The following SLC25A42 variants were observed in gnomAD, a reference collection of about 807,000 sequenced individuals.
SLC25A42 encodes mitochondrial coenzyme A transporter SLC25A42.
A neutral mutation model predicts 34.7 loss-of-function variants in SLC25A42; 19 were observed. That is an observed-to-expected ratio of 0.55 (90% CI 0.38 to 0.80). The LOEUF (loss-of-function observed/expected upper bound fraction) is 0.80, where lower values mean the gene tolerates loss of function less well. Among genes scored for constraint, SLC25A42 ranks in the 30% least tolerant of loss-of-function variants. The pLI is 0.00. For synonymous variants in SLC25A42, 205 were observed against 191.2 expected (o/e 1.07, Z -0.59); for missense variants, 364 against 441.3 (o/e 0.82, Z 1.57).
chr19:19,105,780 C>T (rs571742122), intron 5 of SLC25A42, 53 bp downstream of exon 5: 2 of 1,442,458 alleles, frequency 1.4e-6, no homozygotes, highest in Non-Finnish European at 9.3e-7. Context: ...GCCCGCCCCT[C>T]TCTCTTTCTT....
At chr19:19,069,226 G>T (rs1599662432) in intron 1 of SLC25A42, among the ~76,000 whole-genome samples, 1 of 152,186 alleles carries the variant, frequency 6.6e-6, no homozygotes, top group East Asian at 1.9e-4. Context: ...TGGGCAGAAT[G>T]CTTGGATTCC....
At chr19:19,104,973 A>T (rs2059818346) in intron 4 of SLC25A42, 35 bp downstream of exon 4, 2 of 1,613,582 alleles carry the variant, frequency 1.2e-6, no homozygotes, top group South Asian at 1.1e-5. Flanking sequence ...GCCTGGGGAC[A>T]GTCACCACTA....
At chr19:19,104,683 G>A (rs1181003378) in intron 3 of SLC25A42, among the ~76,000 whole-genome samples, 1 of 152,198 alleles carries the variant, frequency 6.6e-6, no homozygotes, top group East Asian at 1.9e-4. Flanking sequence ...GTGAATGGTA[G>A]TCTAGTCCAG....
At position 19,105,458 on chromosome 19, in the gene SLC25A42, AC is replaced by A. The variant is rs1190331789; in HGVS notation, c.214-99del. 28 of 1,400,136 alleles carry A rather than the reference AC, an allele frequency of 2.0e-5. No homozygotes were observed. In the East Asian group the frequency reaches 6.4e-4, roughly 32 times the overall value. 86.7% of individuals were successfully genotyped at this position (1,400,136 alleles called of 1,614,324 possible). A position where few individuals can be genotyped will look rare whatever the true frequency, so the allele number is the denominator to read the frequency against. ...ATGTGCTGTGCATGGAGATGGGGTC[AC>A]CCCGGCCCCGCCTCCGCACTTTGGG... On this transcript the variant is annotated intron_variant, in intron 4 of 7. Coordinates refer to ENST00000318596, the MANE Select transcript of SLC25A42 (RefSeq NM_178526.5).
intron 1 of SLC25A42, among the ~76,000 whole-genome samples, chr19:19,075,543 C>G (rs940419288): frequency 6.6e-6 from 1 of 152,136 alleles, no homozygotes; most frequent in South Asian, 2.1e-4. Flanking sequence ...CTAGAGTGAA[C>G]GTGGCAAGGC....
At chr19:19,078,595 G>T (rs1347599397) in intron 1 of SLC25A42, among the ~76,000 whole-genome samples, 1 of 152,204 alleles carries the variant, frequency 6.6e-6, no homozygotes, top group Non-Finnish European at 1.5e-5. Context: ...CAGCAAGCAT[G>T]CAGCAAGCAC....
In SLC25A42 at chr19:19,104,911, A is replaced by AG; in HGVS notation, c.188-1dup. The AG allele has an allele frequency of 6.2e-7, 1 of 1,614,008 alleles. No homozygotes were observed. Among genetic ancestry groups the AG allele is most frequent in the Admixed American group, 1.7e-5 (1 of 60,016 alleles). ...TGGCTTTTGTGCTTTTGTTTTTTCC[A>AG]GTGTCTTCAAAAAGATTTTCTGCCA... On this transcript the variant is annotated splice_acceptor_variant, in intron 3 of 7. Coordinates refer to ENST00000318596, the MANE Select transcript of SLC25A42 (RefSeq NM_178526.5). LOFTEE classifies it high-confidence loss of function.
At chr19:19,083,406 G>T (rs186280543) in intron 1 of SLC25A42, among the ~76,000 whole-genome samples, 137 of 152,348 alleles carry the variant, frequency 9.0e-4, no homozygotes, top group African/African-American at 3.2e-3. Flanking sequence ...TTAGGATGCA[G>T]ACATCTTTGA....
intron 2 of SLC25A42, among the ~76,000 whole-genome samples, chr19:19,099,137 C>A (rs1032026040): frequency 6.6e-6 from 1 of 152,302 alleles, no homozygotes; most frequent in South Asian, 2.1e-4. Flanking sequence ...GGACCACCAA[C>A]AAGCGCCCGC....
intron 1 of SLC25A42, among the ~76,000 whole-genome samples, chr19:19,088,202 ATTTTTT>A (rs10706701): frequency 1.0e-5 from 1 of 96,746 alleles, no homozygotes; most frequent in African/African-American, 4.0e-5. Flanking sequence ...CTGATCTTCA[ATTTTTT>A]TTTTTTTTTT....
intron 1 of SLC25A42, among the ~76,000 whole-genome samples, chr19:19,078,713 C>T (rs1340178525): frequency 6.6e-6 from 1 of 152,168 alleles, no homozygotes; most frequent in Non-Finnish European, 1.5e-5. Context: ...TGAACACTGC[C>T]TGAGTCAGCC....
chr19:19,069,820 C>A (rs1284767893), intron 1 of SLC25A42, among the ~76,000 whole-genome samples: 1 of 149,716 alleles, frequency 6.7e-6, no homozygotes, highest in African/African-American at 2.4e-5. Context: ...ACTCCTGGAT[C>A]TCCTCTTCTT....
chr19:19,096,254 T>TGC, intron 2 of SLC25A42, 49 bp downstream of exon 2: 1 of 1,456,738 alleles, frequency 6.9e-7, no homozygotes, highest in Non-Finnish European at 9.4e-7. Context: ...GGCCCCAGCC[T>TGC]CCCCACCCCC....
intron 5 of SLC25A42, 138 bp downstream of exon 5, chr19:19,105,865 G>C (rs902298888): frequency 1.3e-6 from 1 of 755,542 alleles, no homozygotes; most frequent in African/African-American, 1.8e-5. Flanking sequence ...GAAACACTGG[G>C]AGACTCCTCA....
In SLC25A42 at chr19:19,110,975, C is replaced by A; in HGVS notation, c.*99C>A. On this transcript the variant is annotated 3_prime_UTR_variant, in exon 8 of 8. Transcript: ENST00000318596. ...GTGCGCTTGATTCTACTTCAGGAGG[C>A]ACATGGGGCGCTTTATGGAACGAGC... 1.5e-6 allele frequency: 2 copies of A among 1,363,146 alleles called. No homozygotes were observed. Among genetic ancestry groups the A allele is most frequent in the Non-Finnish European group, 2.0e-6 (2 of 987,992 alleles). The allele number at this position is 1,363,146 out of a possible 1,614,324, so 84.4% of individuals were successfully genotyped here. A position where few individuals can be genotyped will look rare whatever the true frequency, so the allele number is the denominator to read the frequency against.
intron 2 of SLC25A42, 49 bp downstream of exon 2, chr19:19,096,254 T>TGCC: frequency 6.9e-7 from 1 of 1,456,736 alleles, no homozygotes; most frequent in African/African-American, 1.5e-5. Flanking sequence ...GGCCCCAGCC[T>TGCC]CCCCACCCCC....
intron 1 of SLC25A42, among the ~76,000 whole-genome samples, chr19:19,067,588 TA>T (rs1261722183): frequency 1.3e-5 from 2 of 151,940 alleles, no homozygotes; most frequent in Admixed American, 6.6e-5. Flanking sequence ...GTTTTTCTGT[TA>T]AAAAAAATTT....
intron 1 of SLC25A42, among the ~76,000 whole-genome samples, chr19:19,093,412 T>A (rs762991437): frequency 6.6e-6 from 1 of 152,220 alleles, no homozygotes; most frequent in Non-Finnish European, 1.5e-5. Flanking sequence ...CCTCTCACAG[T>A]GCTGTGCTGC....
At chr19:19,108,378 C>T (rs2059845420) in intron 7 of SLC25A42, among the ~76,000 whole-genome samples, 1 of 152,076 alleles carries the variant, frequency 6.6e-6, no homozygotes, top group Non-Finnish European at 1.5e-5. Context: ...TGGCGAAACC[C>T]CGTCTCTACC....
Sources: allele counts gnomAD v4.1 joint callset (sites outside exome capture counted in the v4.1 genomes callset), GRCh38; gene constraint gnomAD v4.1.1; transcripts MANE v1.5; gene names NCBI Gene and HGNC (gene_info 2026-07-23, HGNC 2026-07-21).